The following GABRB3 variants were observed in gnomAD, a reference collection of about 807,000 sequenced individuals.
GABRB3 encodes gamma-aminobutyric acid type A receptor subunit beta3, also known as gamma-aminobutyric acid receptor subunit beta-3.
A neutral mutation model predicts 52.1 loss-of-function variants in GABRB3; 14 were observed. The ratio of observed to expected loss-of-function variants is 0.27; its 90% CI spans 0.18 to 0.42. The LOEUF is 0.42. GABRB3 is among the 10% of genes least tolerant of loss of function. The probability of loss-of-function intolerance (pLI) is 1.00; values close to 1 mark genes in which losing one functional copy is unlikely to be tolerated. For missense variants in GABRB3, 307 were observed against 609.1 expected (o/e 0.50, Z 5.22); for synonymous variants, 260 against 232.3 (o/e 1.12, Z -1.08).
In GABRB3 at chr15:26,617,750, A is replaced by G. The variant is rs1170829427; in HGVS notation, c.461+3564T>C. Among the ~76,000 whole-genome samples the G allele has an allele frequency of 3.3e-5, 5 of 152,212 alleles. No homozygotes were observed. The South Asian group carries it at 8.3e-4, about 25-fold the overall frequency. On this transcript the variant is annotated intron_variant, in intron 4 of 8. Coordinates refer to ENST00000311550, the MANE Select transcript of GABRB3 (RefSeq NM_000814.6). Reference sequence around the variant, plus strand: ...GTCCCTGTTTGCAGACGACATGATTATATATCTAGAAAACCCCACTGTCTC... The same window carrying G: ...GTCCCTGTTTGCAGACGACATGATTGTATATCTAGAAAACCCCACTGTCTC...
At chr15:26,652,791 A>C (rs1439928978) in intron 3 of GABRB3, among the ~76,000 whole-genome samples, 1 of 152,164 alleles carries the variant, frequency 6.6e-6, no homozygotes, top group East Asian at 1.9e-4. Flanking sequence ...CAACAATGAA[A>C]ATGTTTATTC....
rs367761610 is a variant in GABRB3 at position 26,621,454 on chromosome 15, C to T, written c.321G>A (p.Thr107=). 2.2e-5 allele frequency: 36 copies of T among 1,613,958 alleles called. No individual in the cohort carries two copies. The highest frequency in any genetic ancestry group is 3.3e-5 in the South Asian group (3 of 91,078). ...GCTGGTCAGCCACTCGATTGTCAAG[C>T]GTGAGGTTGAGAGGGATCCCAGAAT... ...LAYSGIPLNL[T]LDNRVADQLW... The change falls in exon 4 of 9, where the codon ACG becomes ACA. Residue 107 remains threonine, a synonymous_variant. Transcript: ENST00000311550. This position sits in a 1 kb window ranked among gnomAD's most constrained non-coding sequence, Gnocchi z 4.1.
chr15:26,741,988 T>C (rs992181387), intron 3 of GABRB3, among the ~76,000 whole-genome samples: 1 of 152,232 alleles, frequency 6.6e-6, no homozygotes, highest in African/African-American at 2.4e-5. Flanking sequence ...GTAACAATCA[T>C]GTAAATATTT....
rs2288309 is a variant in GABRB3 at position 26,547,310 on chromosome 15, C to T, written c.*483G>A. The T allele has an allele frequency of 2.8e-5, 11 of 398,570 alleles. No individual in the cohort carries two copies. Among genetic ancestry groups the T allele is most frequent in the East Asian group, 2.5e-4 (7 of 27,842 alleles). 24.7% of individuals were successfully genotyped at this position (398,570 alleles called of 1,614,324 possible). On this transcript the variant is annotated 3_prime_UTR_variant, in exon 9 of 9. Transcript: ENST00000311550. ...AGTGACTCATTTTAAACTAGCAATA[C>T]CACTGTATGAGTTTTCAAAGATTAA...
chr15:26,608,055 T>G (rs184081679), intron 4 of GABRB3, among the ~76,000 whole-genome samples: 1 of 150,942 alleles, frequency 6.6e-6, no homozygotes, highest in Admixed American at 6.6e-5. Context: ...CTACCTTATT[T>G]CAAACTATAC....
Position 26,772,930 on chromosome 15 carries a change from G to A in GABRB3, c.33C>T (p.Gly11=), listed in dbSNP as rs1219990897. The part of the protein sequence containing the change: MWGLAGGRLF[G]IFSAPVLVAV... ...CCACCAGCACCGGGGCCGAGAAGAT[G>A]CCGAAAAGCCTTCCTCCCGCAAGGC... is the stretch of plus-strand genomic sequence containing the variant. Residue 11 remains glycine (G), a synonymous_variant, in exon 1 of 9, where the codon GGC becomes GGT. Coordinates refer to ENST00000311550, the MANE Select transcript of GABRB3 (RefSeq NM_000814.6). 3.4e-6 allele frequency: 5 copies of A among 1,490,044 alleles called. No homozygotes were observed. In the African/African-American group the frequency reaches 4.4e-5, roughly 13 times the overall value. 92.3% of individuals were successfully genotyped at this position (1,490,044 alleles called of 1,614,324 possible).
chr15:26,719,834 C>G (rs916766640), intron 3 of GABRB3, among the ~76,000 whole-genome samples: 2 of 152,218 alleles, frequency 1.3e-5, no homozygotes, highest in East Asian at 3.9e-4. Context: ...ATAGCATAAC[C>G]CCAAACCGGC....
chr15:26,670,171 C>T (rs1453529461), intron 3 of GABRB3, among the ~76,000 whole-genome samples: 1 of 152,216 alleles, frequency 6.6e-6, no homozygotes, highest in Non-Finnish European at 1.5e-5. Flanking sequence ...TACGCCCCAA[C>T]GCGGGCTCAA....
chr15:26,710,275 G>C (rs1889251258), intron 3 of GABRB3, among the ~76,000 whole-genome samples: 1 of 152,032 alleles, frequency 6.6e-6, no homozygotes, highest in African/African-American at 2.4e-5. Flanking sequence ...GTTTTGTTTT[G>C]TTTGAGACGG....
chr15:26,545,770 A>C lies in GABRB3; in HGVS notation c.*2023T>G, dbSNP rs1889212789. 6.6e-6 allele frequency: 1 copy of C among 152,624 alleles called. No individual in the cohort carries two copies. Among genetic ancestry groups the C allele is most frequent in the Non-Finnish European group, 1.5e-5 (1 of 68,044 alleles). The allele number at this position is 152,624 out of a possible 1,614,324, so 9.5% of individuals were successfully genotyped here. A position where few individuals can be genotyped will look rare whatever the true frequency, so the allele number is the denominator to read the frequency against. Reference sequence around the variant, plus strand: ...CCCATGGAAAAAATGGTCAGAGAAAAGCCAAAGCCAAAGAAATCCCTGGCT... The same window carrying C: ...CCCATGGAAAAAATGGTCAGAGAAACGCCAAAGCCAAAGAAATCCCTGGCT... On this transcript the variant is annotated 3_prime_UTR_variant, in exon 9 of 9. Transcript: ENST00000311550.
intron 3 of GABRB3, among the ~76,000 whole-genome samples, chr15:26,718,469 A>C (rs1889559128): frequency 6.6e-6 from 1 of 152,194 alleles, no homozygotes; most frequent in African/African-American, 2.4e-5. Flanking sequence ...TCAGCCTCCC[A>C]AAGTGCTGGG....
chr15:26,652,850 T>C (rs1887240238), intron 3 of GABRB3, among the ~76,000 whole-genome samples: 1 of 152,218 alleles, frequency 6.6e-6, no homozygotes, highest in African/African-American at 2.4e-5. Flanking sequence ...AAATGAATGA[T>C]GTGGGGCAGG....
At chr15:26,665,417 G>A (rs1887678805) in intron 3 of GABRB3, among the ~76,000 whole-genome samples, 1 of 152,206 alleles carries the variant, frequency 6.6e-6, no homozygotes, top group South Asian at 2.1e-4. Context: ...TTATTTGTAA[G>A]GCTGGATGTA....
intron 3 of GABRB3, among the ~76,000 whole-genome samples, chr15:26,667,972 A>G (rs944587701): frequency 1.3e-5 from 2 of 152,130 alleles, no homozygotes; most frequent in African/African-American, 4.8e-5. Context: ...AACAATCAAA[A>G]CGAGGTTTGA....
intron 3 of GABRB3, among the ~76,000 whole-genome samples, chr15:26,640,876 T>A (rs1203540079): frequency 6.6e-6 from 1 of 152,240 alleles, no homozygotes; most frequent in Non-Finnish European, 1.5e-5. Flanking sequence ...CATTAGCTGC[T>A]GTGTTAATCA....
intron 3 of GABRB3, among the ~76,000 whole-genome samples, chr15:26,684,779 G>A (rs559795717): frequency 1.2e-4 from 19 of 152,256 alleles, no homozygotes; most frequent in African/African-American, 4.3e-4. Context: ...TCAGCTCGCC[G>A]TCTTCTATGG....
intron 3 of GABRB3, chr15:26,767,278 C>T (rs1223240234): frequency 6.6e-6 from 1 of 152,210 alleles, no homozygotes; most frequent in Admixed American, 6.5e-5. Flanking sequence ...TCTGCTGAGT[C>T]ATCCCCCAGC....
At chr15:26,595,819 A>G (rs1188591723) in intron 4 of GABRB3, among the ~76,000 whole-genome samples, 1 of 152,158 alleles carries the variant, frequency 6.6e-6, no homozygotes, top group Non-Finnish European at 1.5e-5. Context: ...AGATTCACAC[A>G]GCATTCTTGC....
intron 3 of GABRB3, among the ~76,000 whole-genome samples, chr15:26,646,907 G>A (rs1231311894): frequency 6.6e-6 from 1 of 152,102 alleles, no homozygotes; most frequent in African/African-American, 2.4e-5. Flanking sequence ...GCAGTGGTGC[G>A]ATCTCGGCTC....
Sources: gnomAD v4.1 joint callset for allele counts (sites outside exome capture counted in the v4.1 genomes callset) on GRCh38, gnomAD v4.1.1 for gene constraint, Gnocchi (gnomAD v3.1) non-coding constraint, MANE v1.5 for transcripts, NCBI Gene and HGNC (gene_info 2026-07-23, HGNC 2026-07-21) for gene names.